Variants in CLCA4 observed in about 807,000 individuals in gnomAD.
CLCA4 encodes the protein chloride channel accessory 4, also known as calcium-activated chloride channel regulator 4.
A neutral mutation model predicts 78.9 loss-of-function variants in CLCA4; 69 were observed. That is an observed-to-expected ratio of 0.87 (90% confidence interval 0.72 to 1.07). The LOEUF (loss-of-function observed/expected upper bound fraction) is 1.07, where lower values mean the gene tolerates loss of function less well. CLCA4 is among the 50% of genes least tolerant of loss of function. The probability of loss-of-function intolerance (pLI) is 0.00; values close to 1 mark genes in which losing one functional copy is unlikely to be tolerated. For missense variants in CLCA4, 1,133 were observed against 1,095.8 expected (o/e 1.03, Z -0.48); for synonymous variants, 362 against 375.8 (o/e 0.96, Z 0.42).
At chr1:86,571,533 T>C (rs1650351505) in intron 8 of CLCA4, 2 of 243,000 alleles carry the variant, frequency 8.2e-6, no homozygotes, top group South Asian at 1.5e-4. Flanking sequence ...ACTAGAGTTG[T>C]ATAGAGCCAG....
intron 7 of CLCA4, among the ~76,000 whole-genome samples, chr1:86,568,004 T>G (rs921609145): frequency 6.6e-6 from 1 of 152,052 alleles, no homozygotes; most frequent in African/African-American, 2.4e-5. Context: ...ACACAGGTGA[T>G]ATAGTATGAT....
chr1:86,559,884 G>C, intron 1 of CLCA4, 48 bp from the exon 2 acceptor site: 1 of 1,488,426 alleles, frequency 6.7e-7, no homozygotes, highest in Non-Finnish European at 9.2e-7. Context: ...TGCTAATTTA[G>C]TTCACTCTAA....
At chr1:86,565,683 A>T (rs893125132) in intron 5 of CLCA4, 119 bp from the exon 6 acceptor site, 1 of 657,880 alleles carries the variant, frequency 1.5e-6, no homozygotes, top group Non-Finnish European at 2.5e-6. Flanking sequence ...TGCTCAGTAA[A>T]TGATATTTCA....
chr1:86,577,848 A>C, intron 11 of CLCA4, 54 bp from the exon 12 acceptor site: 1 of 1,537,014 alleles, frequency 6.5e-7, no homozygotes, highest in African/African-American at 1.4e-5. Flanking sequence ...TGCTTGTCTT[A>C]GAAAATGCAA....
intron 4 of CLCA4, among the ~76,000 whole-genome samples, chr1:86,564,840 T>C (rs1412480029): frequency 6.6e-6 from 1 of 152,160 alleles, no homozygotes; most frequent in East Asian, 1.9e-4. Context: ...AGAACATTTG[T>C]GTCTATCCCA....
chr1:86,556,576 A>G (rs1017979216), intron 1 of CLCA4, among the ~76,000 whole-genome samples: 2 of 152,076 alleles, frequency 1.3e-5, no homozygotes, highest in Admixed American at 6.5e-5. Flanking sequence ...GAGCTGCTGG[A>G]TTCGGTTTGC....
intron 1 of CLCA4, among the ~76,000 whole-genome samples, 171 bp downstream of exon 1, chr1:86,547,449 C>G (rs1226489457): frequency 2.0e-5 from 3 of 152,158 alleles, no homozygotes; most frequent in Admixed American, 2.0e-4. Flanking sequence ...AAACATTTAT[C>G]TTTGCATTGT....
At chr1:86,570,512 G>A (rs902803028) in intron 7 of CLCA4, among the ~76,000 whole-genome samples, 2 of 151,980 alleles carry the variant, frequency 1.3e-5, no homozygotes, top group Non-Finnish European at 2.9e-5. Flanking sequence ...TTCTGTGCCA[G>A]TTATTATTAG....
At chr1:86,551,710 G>A (rs889656931) in intron 1 of CLCA4, among the ~76,000 whole-genome samples, 8 of 152,192 alleles carry the variant, frequency 5.3e-5, no homozygotes, top group Non-Finnish European at 1.0e-4. Flanking sequence ...CAGGAACACC[G>A]CCTGTCAGAA....
intron 3 of CLCA4, among the ~76,000 whole-genome samples, chr1:86,562,536 C>T (rs1424751545): frequency 6.6e-6 from 1 of 151,114 alleles, no homozygotes; most frequent in Non-Finnish European, 1.5e-5. Context: ...TCCAGAACCA[C>T]AGTTTGAATA....
rs777527628 is a variant in CLCA4 at position 86,579,458 on chromosome 1, C to T, written c.2227C>T (p.Gln743Ter). ...ATCCGGAGGTGCATTTGTGGTATCA[C>T]AAGTCCCAAGCCTTCCCTTGCCTGA... is the stretch of plus-strand genomic sequence containing the variant. Reference protein sequence around the residue: ...TASGGAFVVSQVPSLPLPDQY... With the variant: ...TASGGAFVVS The change falls in exon 13 of 14, where the codon CAA becomes TAA. Residue 743 changes from glutamine to a stop codon, truncating the protein, a stop_gained. Transcript: ENST00000370563. LOFTEE classifies it high-confidence loss of function. 1 of 1,613,322 alleles carries T rather than the reference C, an allele frequency of 6.2e-7. No individual in the cohort carries two copies. Among genetic ancestry groups the T allele is most frequent in the Middle Eastern group, 1.7e-4 (1 of 6,050 alleles).
chr1:86,566,335 T>C (rs914624952), intron 6 of CLCA4, among the ~76,000 whole-genome samples: 1 of 152,096 alleles, frequency 6.6e-6, no homozygotes, highest in Non-Finnish European at 1.5e-5. Flanking sequence ...CTGTATATTA[T>C]ATTTATGTTA....
At position 86,559,985 on chromosome 1, in the gene CLCA4, T is replaced by C. The variant is rs984636425; in HGVS notation, c.213T>C (p.Phe71=). 14 of 1,608,996 alleles carry C rather than the reference T, an allele frequency of 8.7e-6. No individual in the cohort carries two copies. In the Middle Eastern group the frequency reaches 1.3e-3, roughly 152 times the overall value. ...TGTTTGAAGCCACAGAAAAAAGATT[T>C]TTTTTCAAAAATGTATCTATATTAA... The part of the protein sequence containing the change: ...TYLFEATEKR[F]FFKNVSILIP... Residue 71 remains phenylalanine (F), a synonymous_variant, in exon 2 of 14, where the codon TTT becomes TTC. Transcript: ENST00000370563.
In CLCA4 at chr1:86,565,363, CA is replaced by C; in HGVS notation, c.651del (p.Lys217AsnfsTer21). 6.2e-7 allele frequency: 1 copy of C among 1,608,510 alleles called. No homozygotes were observed. Among genetic ancestry groups the C allele is most frequent in the South Asian group, 1.1e-5 (1 of 90,764 alleles). ...LSRACRIDST[T>X]KLYGKDCQFF... is the part of the protein sequence containing the mutation. ...AGAGCATGCAGAATTGATTCTACAA[CA>C]AAACTGTATGGAAAAGATTGTCAAT... is the stretch of plus-strand genomic sequence containing the variant. On this transcript the variant is annotated frameshift_variant, in exon 5 of 14. Coordinates refer to ENST00000370563, the MANE Select transcript of CLCA4 (RefSeq NM_012128.4). LOFTEE classifies it high-confidence loss of function.
At chr1:86,578,792 G>T (rs775102983) in intron 12 of CLCA4, among the ~76,000 whole-genome samples, 19 of 151,494 alleles carry the variant, frequency 1.3e-4, no homozygotes, top group Non-Finnish European at 2.5e-4. Context: ...TACATATGCT[G>T]TAGAGTAAAC....
Position 86,550,728 on chromosome 1 carries a change from C to A in CLCA4, c.159+3450C>A, listed in dbSNP as rs904273456. 2.0e-5 allele frequency among the ~76,000 whole-genome samples: 3 copies of A among 150,870 alleles called. No individual in the cohort carries two copies. In the East Asian group the frequency reaches 5.9e-4, roughly 30 times the overall value. On this transcript the variant is annotated intron_variant, in intron 1 of 13. Coordinates refer to ENST00000370563, the MANE Select transcript of CLCA4 (RefSeq NM_012128.4). ...CTGCATTCCAGCCTGGGTGACAGAGCAAGACTCTGTCTCAAAAAAATAAAA... is the reference window on the plus strand; with the variant it reads ...CTGCATTCCAGCCTGGGTGACAGAGAAAGACTCTGTCTCAAAAAAATAAAA...
In CLCA4 at chr1:86,580,006, T is replaced by C. The variant is rs1406090366; in HGVS notation, c.2421T>C (p.Ala807=). 1 of 1,608,538 alleles carries C rather than the reference T, an allele frequency of 6.2e-7. No homozygotes were observed. Reference sequence around the variant, plus strand: ...ATCTAAGAGACAGTTTTGATGATGCTCTTCAAGTAAATACTACTGATCTGT... The same window carrying C: ...ATCTAAGAGACAGTTTTGATGATGCCCTTCAAGTAAATACTACTGATCTGT... The part of the protein sequence containing the change: ...ILDLRDSFDD[A]LQVNTTDLSP... The change falls in exon 14 of 14, where the codon GCT becomes GCC. Residue 807 remains alanine, a synonymous_variant. Transcript: ENST00000370563.
chr1:86,565,532 C>T, intron 5 of CLCA4, 81 bp downstream of exon 5: 1 of 1,123,866 alleles, frequency 8.9e-7, no homozygotes, highest in Non-Finnish European at 1.3e-6. Context: ...TTCAGGTGAC[C>T]TGAGGATTAT....
At chr1:86,563,172 T>A (rs772604) in intron 3 of CLCA4, among the ~76,000 whole-genome samples, 1 of 151,448 alleles carries the variant, frequency 6.6e-6, no homozygotes. Flanking sequence ...CTCAAAACTT[T>A]CCCAAGTGAA....
Sources: allele counts gnomAD v4.1 joint callset (sites outside exome capture counted in the v4.1 genomes callset), GRCh38; gene constraint gnomAD v4.1.1; transcripts MANE v1.5; gene names NCBI Gene and HGNC (gene_info 2026-07-23, HGNC 2026-07-21).